NRG1: variants seen among roughly 807,000 people sequenced by gnomAD.
NRG1 encodes pro-neuregulin-1, membrane-bound isoform.
A neutral mutation model predicts 63.8 loss-of-function variants in NRG1; 18 were observed. That is an observed-to-expected ratio of 0.28 (90% CI 0.19 to 0.42). The LOEUF is 0.42. Among genes scored for constraint, NRG1 ranks in the 10% least tolerant of loss-of-function variants. The pLI is 1.00. For synonymous variants in NRG1, 302 were observed against 301.3 expected (o/e 1.00, Z -0.02); for missense variants, 762 against 814.7 (o/e 0.94, Z 0.79).
intron 1 of NRG1, among the ~76,000 whole-genome samples, chr8:31,953,417 G>A (rs1375634387): frequency 6.6e-6 from 1 of 152,130 alleles, no homozygotes; most frequent in Non-Finnish European, 1.5e-5. Context: ...AGAATGATAA[G>A]GTAGCAAAGA....
At chr8:32,118,744 G>T (rs1318728560) in intron 1 of NRG1, among the ~76,000 whole-genome samples, 1 of 152,074 alleles carries the variant, frequency 6.6e-6, no homozygotes, top group Non-Finnish European at 1.5e-5. Flanking sequence ...ATGGTGAGCA[G>T]TGTAGCAACT....
intron 1 of NRG1, among the ~76,000 whole-genome samples, chr8:32,145,687 T>A (rs1432702509): frequency 1.3e-5 from 2 of 152,224 alleles, no homozygotes; most frequent in Non-Finnish European, 2.9e-5. Context: ...GATATACAGA[T>A]AACAGAATCC....
At chr8:32,171,008 T>A (rs369378581) in intron 1 of NRG1, among the ~76,000 whole-genome samples, 11 of 152,308 alleles carry the variant, frequency 7.2e-5, no homozygotes, top group East Asian at 5.8e-4. Context: ...ATCTAGTCTC[T>A]TCCAATATCA....
chr8:32,730,871 A>C (rs1823484473), intron 6 of NRG1, among the ~76,000 whole-genome samples: 1 of 152,150 alleles, frequency 6.6e-6, no homozygotes, highest in Non-Finnish European at 1.5e-5. Flanking sequence ...ATTTTAATAA[A>C]TCTCCTTGAA....
chr8:32,164,131 C>T (rs1043341803), intron 1 of NRG1, among the ~76,000 whole-genome samples: 2 of 152,010 alleles, frequency 1.3e-5, no homozygotes, highest in Non-Finnish European at 2.9e-5. Context: ...TTGCCTTCAT[C>T]TCTTAGTTTT....
intron 11 of NRG1, 76 bp downstream of exon 11, chr8:32,760,482 T>G: frequency 6.3e-7 from 1 of 1,593,772 alleles, no homozygotes; most frequent in Admixed American, 1.7e-5. Context: ...CGGTCTCACC[T>G]CAGGAAATCT....
chr8:32,295,466 T>G (rs1854730410), intron 1 of NRG1, among the ~76,000 whole-genome samples: 1 of 152,172 alleles, frequency 6.6e-6, no homozygotes, highest in East Asian at 1.9e-4. Context: ...TGGGAATTAG[T>G]CTCTTATTTC....
In NRG1 at chr8:31,943,126, C is replaced by T. The variant is rs139245339; in HGVS notation, c.37+303695C>T. Among the ~76,000 whole-genome samples, 756 of 152,192 alleles carry T rather than the reference C, an allele frequency of 5.0e-3. 16 individuals are homozygous for T. In the East Asian group the frequency reaches 0.082, roughly 17 times the overall value. On this transcript the variant is annotated intron_variant, in intron 1 of 10. Transcript: ENST00000519301. ...AAAATATGGAACCAGCCCAAATGCC[C>T]ATCAATCAACCAGTGGATAAAGAAG...
chr8:31,705,991 T>G lies in NRG1; in HGVS notation c.37+66560T>G, dbSNP rs146725852. 4.8e-4 allele frequency among the ~76,000 whole-genome samples: 73 copies of G among 152,366 alleles called. 1 individual carries two copies. The East Asian group carries it at 0.013, about 26-fold the overall frequency. Reference sequence around the variant, plus strand: ...CTTAGAGGCTAAATTTGGTTTAAAATATCTTACATCTTCTCAAATTCCTTA... The same window carrying G: ...CTTAGAGGCTAAATTTGGTTTAAAAGATCTTACATCTTCTCAAATTCCTTA... On this transcript the variant is annotated intron_variant, in intron 1 of 10. Coordinates refer to the NRG1 transcript ENST00000519301.
chr8:32,672,362 T>A (rs960052732), intron 5 of NRG1, among the ~76,000 whole-genome samples: 7 of 152,224 alleles, frequency 4.6e-5, no homozygotes, highest in Non-Finnish European at 1.0e-4. Context: ...CTACTTTTTT[T>A]ATTTTTAAAT....
intron 1 of NRG1, among the ~76,000 whole-genome samples, chr8:32,324,369 C>T (rs1801760826): frequency 6.6e-6 from 1 of 152,144 alleles, no homozygotes; most frequent in African/African-American, 2.4e-5. Flanking sequence ...AAATCACCAT[C>T]CTTGTTAAAG....
At chr8:31,687,284 A>C (rs185439690) in intron 1 of NRG1, among the ~76,000 whole-genome samples, 4 of 152,358 alleles carry the variant, frequency 2.6e-5, no homozygotes, top group Admixed American at 2.6e-4. Context: ...ATTGATGAAG[A>C]AAGTTAAGCC....
chr8:32,289,268 G>A (rs1459035126), intron 1 of NRG1, among the ~76,000 whole-genome samples: 2 of 152,048 alleles, frequency 1.3e-5, no homozygotes, highest in Non-Finnish European at 2.9e-5. Flanking sequence ...AGATTCTAAG[G>A]AGGAAAAGAC....
At chr8:31,687,319 TA>T (rs1424460450) in intron 1 of NRG1, among the ~76,000 whole-genome samples, 1 of 152,188 alleles carries the variant, frequency 6.6e-6, no homozygotes, top group Non-Finnish European at 1.5e-5. Flanking sequence ...CTTGCCACAC[TA>T]AAAGCAAACA....
At chr8:32,770,044 A>G (rs1831678245), downstream of NRG1, among the ~76,000 whole-genome samples, 1 of 152,194 alleles carries the variant, frequency 6.6e-6, no homozygotes. Flanking sequence ...AGTTTCACCC[A>G]GGATCTCTTT....
chr8:32,761,110 A>G (rs892918462), intron 11 of NRG1: 27 of 353,842 alleles, frequency 7.6e-5, no homozygotes, highest in Non-Finnish European at 1.1e-4. Flanking sequence ...GTTATAGCAA[A>G]GGTAAAATGA....
At chr8:31,661,896 A>G (rs556265718) in intron 1 of NRG1, among the ~76,000 whole-genome samples, 13 of 152,304 alleles carry the variant, frequency 8.5e-5, no homozygotes, top group Admixed American at 7.2e-4. Context: ...CTGAACAAAG[A>G]CCTCGCCAAT....
intron 5 of NRG1, among the ~76,000 whole-genome samples, chr8:32,690,155 G>A (rs897064936): frequency 2.0e-5 from 3 of 152,126 alleles, no homozygotes; most frequent in African/African-American, 7.2e-5. Context: ...AGATCTCAAT[G>A]CTTTTGAAAT....
intron 1 of NRG1, among the ~76,000 whole-genome samples, chr8:32,011,516 G>A (rs917593372): frequency 2.6e-5 from 4 of 152,066 alleles, no homozygotes; most frequent in South Asian, 2.1e-4. Context: ...ACTTTAATCC[G>A]CTCTTTTCTG....
Sources: gnomAD v4.1 joint callset for allele counts (sites outside exome capture counted in the v4.1 genomes callset) on GRCh38, gnomAD v4.1.1 for gene constraint, MANE v1.5 for transcripts, NCBI Gene and HGNC (gene_info 2026-07-23, HGNC 2026-07-21) for gene names.